SPSB3: variants seen among roughly 807,000 people sequenced by gnomAD.
SPSB3 encodes SPRY domain-containing SOCS box protein 3.
In SPSB3, 18 loss-of-function variants were observed where a neutral mutation model predicts 29.5. The ratio of observed to expected loss-of-function variants is 0.61; its 90% CI spans 0.42 to 0.91. The LOEUF (loss-of-function observed/expected upper bound fraction) is 0.91. SPSB3 is among the 40% of genes least tolerant of loss of function. The pLI, the probability that SPSB3 is intolerant of heterozygous loss-of-function variation, is 0.00. For missense variants in SPSB3, 540 were observed against 507.5 expected (o/e 1.06, Z -0.61); for synonymous variants, 299 against 214.1 (o/e 1.40, Z -3.46).
chr16:1,777,106 G>A lies in SPSB3; in HGVS notation c.1059C>T (p.Arg353=), dbSNP rs764019186. Residue 353 remains arginine, a synonymous_variant, in exon 7 of 7, where the codon CGC becomes CGT. Transcript: ENST00000566339. ...EPRPCQRKRC[R]RT is the part of the protein sequence containing the mutation. The stretch of plus-strand genomic sequence containing the variant: ...TCCACTGGGAAGTCAGTCAGGTCCG[G>A]CGGCAGCGCTTCCTCTGGCAGGGCC... 1 of 1,611,102 alleles carries A rather than the reference G, an allele frequency of 6.2e-7. No individual in the cohort carries two copies. The highest frequency in any genetic ancestry group is 8.5e-7 in the Non-Finnish European group (1 of 1,178,998).
In SPSB3 at chr16:1,777,535, T is replaced by G. The variant is rs997531173; in HGVS notation, c.722-92A>C. The G allele has an allele frequency of 5.7e-4, 782 of 1,376,132 alleles. 1 individual carries two copies. The highest frequency in any genetic ancestry group is 6.4e-4 in the Non-Finnish European group (667 of 1,041,788). 85.2% of individuals were successfully genotyped at this position (1,376,132 alleles called of 1,614,324 possible). A position where few individuals can be genotyped will look rare whatever the true frequency, so the allele number is the denominator to read the frequency against. On this transcript the variant is annotated intron_variant, in intron 6 of 6. Transcript: ENST00000566339. ...AGACCTCACGCTACAGTCACCCGGG[T>G]GGGCAGCTGGCACAGCTGAGGCAAG...
intron 2 of SPSB3, chr16:1,780,067 A>G (rs1896662217): frequency 1.3e-5 from 2 of 152,288 alleles, no homozygotes; most frequent in Admixed American, 1.3e-4. Context: ...CTGAGCCGGA[A>G]CAGCAGCGCA....
intron 2 of SPSB3, 131 bp from the exon 3 acceptor site, chr16:1,778,743 C>A (rs2042752284): frequency 9.8e-7 from 1 of 1,017,052 alleles, no homozygotes; most frequent in Non-Finnish European, 1.4e-6. Context: ...CCAGGGACTT[C>A]ACAGTACCCC....
chr16:1,777,652 T>C (rs551148394), intron 6 of SPSB3, 95 bp downstream of exon 6: 2 of 1,555,356 alleles, frequency 1.3e-6, no homozygotes, highest in East Asian at 4.5e-5. Flanking sequence ...GGAGGAACCC[T>C]TTCAGAAAAC....
At chr16:1,781,078 C>T in intron 2 of SPSB3, 2 of 1,196,088 alleles carry the variant, frequency 1.7e-6, no homozygotes, top group East Asian at 3.2e-5. Flanking sequence ...CAACTGCCAA[C>T]CTCTCCATGC....
Position 1,778,494 on chromosome 16 carries a change from CAGA to C in SPSB3, c.242_244del (p.Phe81del), listed in dbSNP as rs1567230395. The C allele has an allele frequency of 3.1e-6, 5 of 1,612,042 alleles. No individual in the cohort carries two copies. The highest frequency in any genetic ancestry group is 1.7e-5 in the Admixed American group (1 of 59,990). On this transcript the variant is annotated inframe_deletion, in exon 3 of 7. Transcript: ENST00000566339. ...CCGGTGGGCCGAGTGCAGGCTGCTA[CAGA>C]AGGAGGCCTCGCTCTGCCCAGCACA...
chr16:1,776,947 G>C lies in SPSB3; in HGVS notation c.*150C>G. The C allele has an allele frequency of 1.1e-6, 1 of 901,408 alleles. No individual in the cohort carries two copies. Among genetic ancestry groups the C allele is most frequent in the South Asian group, 1.7e-5 (1 of 58,070 alleles). 55.8% of individuals were successfully genotyped at this position (901,408 alleles called of 1,614,324 possible). ...CCCTAGAGCCCCCACAGAAAGGACTGTCCCAGCCTCGGGAGCAAGAGATGG... is the reference window on the plus strand; with the variant it reads ...CCCTAGAGCCCCCACAGAAAGGACTCTCCCAGCCTCGGGAGCAAGAGATGG... On this transcript the variant is annotated 3_prime_UTR_variant, in exon 7 of 7. Coordinates refer to ENST00000566339, the MANE Select transcript of SPSB3 (RefSeq NM_080861.4).
chr16:1,781,747 C>G, intron 1 of SPSB3: 1 of 521,494 alleles, frequency 1.9e-6, no homozygotes. Flanking sequence ...GCCCCTCTCT[C>G]CGGTTCCACC....
chr16:1,777,494 C>T, intron 6 of SPSB3, 51 bp from the exon 7 acceptor site: 1 of 1,447,202 alleles, frequency 6.9e-7, no homozygotes, highest in Non-Finnish European at 9.1e-7. Context: ...GGGCCAGCTA[C>T]TGGGCGCAGC....
chr16:1,778,757 C>G (rs973282225), intron 2 of SPSB3, 145 bp from the exon 3 acceptor site: 1 of 885,032 alleles, frequency 1.1e-6, no homozygotes, highest in Non-Finnish European at 1.6e-6. Context: ...GTACCCCGAG[C>G]GCACAGCCCA....
Position 1,781,411 on chromosome 16 carries a change from G to T in SPSB3, c.73C>A (p.Arg25=), listed in dbSNP as rs1288869069. The change falls in exon 2 of 7, where the codon CGG becomes AGG. Residue 25 remains arginine, a synonymous_variant. Coordinates refer to ENST00000566339, the MANE Select transcript of SPSB3 (RefSeq NM_080861.4). ...LSAARRDADA[R]AVALAGSTNW... ...GTGGAGCCTGCTAGAGCCACGGCCC[G>T]GGCATCTGCGTCTCGGCGGGCTGCA... 1 of 1,612,706 alleles carries T rather than the reference G, an allele frequency of 6.2e-7. No homozygotes were observed. Among genetic ancestry groups the T allele is most frequent in the African/African-American group, 1.3e-5 (1 of 74,906 alleles).
intron 1 of SPSB3, 70 bp from the exon 2 acceptor site, chr16:1,781,565 G>A: frequency 6.5e-7 from 1 of 1,532,584 alleles, no homozygotes; most frequent in Non-Finnish European, 8.8e-7. Flanking sequence ...TCCAGGCTGG[G>A]CCACGGACCC....
Position 1,777,163 on chromosome 16 carries a change from C to T in SPSB3, c.1002G>A (p.Ala334=), listed in dbSNP as rs751981595. Residue 334 remains alanine, a synonymous_variant, in exon 7 of 7, where the codon GCG becomes GCA. Transcript: ENST00000566339. ...RKAPVSDPQA[A]TSAHPSSREP... is the part of the protein sequence containing the mutation. ...CGCGACTGCTGGGGTGGGCGGAGGT[C>T]GCTGCCTGGGGATCGGACACTGGAG... 1.6e-5 allele frequency: 26 copies of T among 1,611,024 alleles called. No homozygotes were observed. The highest frequency in any genetic ancestry group is 1.6e-4 in the Middle Eastern group (1 of 6,078).
chr16:1,778,473 T>C lies in SPSB3; in HGVS notation c.266A>G (p.His89Arg). The C allele has an allele frequency of 6.2e-7, 1 of 1,611,420 alleles. No homozygotes were observed. The highest frequency in any genetic ancestry group is 8.5e-7 in the Non-Finnish European group (1 of 1,179,308). Residue 89 changes from histidine to arginine, a missense_variant, in exon 3 of 7, where the codon CAC (histidine) becomes CGC (arginine). Physicochemically the swap from His to Arg is conservative, Grantham distance 29 (BLOSUM62 0). Coordinates refer to ENST00000566339, the MANE Select transcript of SPSB3 (RefSeq NM_080861.4). ...TCCGCAGCGGCAGTCCCTGCCCCGG[T>C]GGGCCGAGTGCAGGCTGCTACAGAA... ...ASFCSSLHSA[H>R]RGRDCRCGEE... is the part of the protein sequence containing the mutation.
rs1210122271 is a variant in SPSB3 at position 1,778,324 on chromosome 16, G to T, written c.305-3C>A. 6.2e-7 allele frequency: 1 copy of T among 1,612,028 alleles called. No individual in the cohort carries two copies. On this transcript the variant is annotated splice_polypyrimidine_tract_variant and splice_region_variant and intron_variant, in intron 3 of 6. Transcript: ENST00000566339. ...GTCATCCCAGACCCAGTCGAAATCT[G>T]CAAGAGAGGCCCAGGCTGGGGCAGC...
Position 1,778,646 on chromosome 16 carries a change from G to A in SPSB3, c.127-34C>T, listed in dbSNP as rs377525964. 36 of 1,522,200 alleles carry A rather than the reference G, an allele frequency of 2.4e-5. No homozygotes were observed. In the African/African-American group the frequency reaches 4.8e-4, roughly 20 times the overall value. 94.3% of individuals were successfully genotyped at this position (1,522,200 alleles called of 1,614,324 possible). ...GAAGGGCCGGCTGTTACTACCTGTT[G>A]CCCGCTCTCTACCCTCTCACCCTTG... On this transcript the variant is annotated intron_variant, in intron 2 of 6. Transcript: ENST00000566339.
At chr16:1,781,567 C>T in intron 1 of SPSB3, 72 bp from the exon 2 acceptor site, 4 of 1,523,944 alleles carry the variant, frequency 2.6e-6, no homozygotes, top group Non-Finnish European at 3.5e-6. Context: ...CAGGCTGGGC[C>T]ACGGACCCAC....
intron 1 of SPSB3, chr16:1,782,000 C>A: frequency 5.5e-6 from 1 of 180,300 alleles, no homozygotes; most frequent in Non-Finnish European, 1.2e-5. Context: ...CTCGCTACCG[C>A]CAGGGCTCCT....
At position 1,781,368 on chromosome 16, in the gene SPSB3, G is replaced by C; in HGVS notation, c.116C>G (p.Ser39Cys). 1 of 1,612,874 alleles carries C rather than the reference G, an allele frequency of 6.2e-7. No individual in the cohort carries two copies. The highest frequency in any genetic ancestry group is 8.5e-7 in the Non-Finnish European group (1 of 1,180,004). Residue 39 changes from serine (S) to cysteine (C), a missense_variant, in exon 2 of 7, where the codon TCT becomes TGT. Ser to Cys is a moderately radical substitution (Grantham distance 112, BLOSUM62 -1). Transcript: ENST00000566339. The part of the protein sequence containing the change: ...LAGSTNWGYD[S>C]DGQHSDSDSD... ...CCCGCTGGAACCTACCTGCCCATCA[G>C]AGTCGTAGCCCCAGTTAGTGGAGCC...
Sources: gnomAD v4.1 joint callset for allele counts on GRCh38, gnomAD v4.1.1 for gene constraint, MANE v1.5 for transcripts, NCBI Gene and HGNC (gene_info 2026-07-23, HGNC 2026-07-21) for gene names.